The following SLC5A4 variants were observed in gnomAD, a reference collection of about 807,000 sequenced individuals.
The protein encoded by SLC5A4 is probable glucose sensor protein SLC5A4.
A neutral mutation model predicts 70.3 loss-of-function variants in SLC5A4; 55 were observed. The observed-to-expected ratio is 0.78, with a 90% CI of 0.63 to 0.98. SLC5A4 has a LOEUF of 0.98. Ranked by LOEUF, SLC5A4 falls within the 50% of genes least tolerant of loss-of-function variation. The pLI is 0.00. For missense variants in SLC5A4, 735 were observed against 839.2 expected, an observed-to-expected ratio of 0.88 and a Z score of 1.53; for synonymous variants, 268 against 305.7, an observed-to-expected ratio of 0.88 and a Z score of 1.29.
At chr22:32,336,010 AGACCAGGGGT>A in the SLC5A4 span, among the ~76,000 whole-genome samples, 1 of 152,214 alleles carries the variant, frequency 6.6e-6, no homozygotes, top group Non-Finnish European at 1.5e-5. Flanking sequence ...TTAGCAGTTA[AGACCAGGGGT>A]GAAATAGTGG....
chr22:32,270,373 G>C, the SLC5A4 span: 2 of 1,434,828 alleles, frequency 1.4e-6, no homozygotes, highest in Non-Finnish European at 2.0e-6. Context: ...CCAGCCCCAG[G>C]TGGTGACAAC....
intron 9 of SLC5A4, 70 bp downstream of exon 9, chr22:32,232,829 A>G: frequency 6.6e-7 from 1 of 1,516,932 alleles, no homozygotes; most frequent in South Asian, 1.3e-5. Flanking sequence ...TCAAGGTTTT[A>G]TGACATTTTA....
chr22:32,275,827 C>A, the SLC5A4 span, among the ~76,000 whole-genome samples: 1 of 152,126 alleles, frequency 6.6e-6, no homozygotes, highest in African/African-American at 2.4e-5. Flanking sequence ...GTTTATAATC[C>A]CACCAACAGT....
chr22:32,324,001 C>G, the SLC5A4 span, among the ~76,000 whole-genome samples: 1 of 152,212 alleles, frequency 6.6e-6, no homozygotes, highest in African/African-American at 2.4e-5. Context: ...TTGCATTCCC[C>G]AGAGCGGTGT....
the SLC5A4 span, chr22:32,284,948 A>G: frequency 6.6e-6 from 1 of 152,142 alleles, no homozygotes; most frequent in African/African-American, 2.4e-5. Flanking sequence ...ATTTTGTTAT[A>G]TTTGTGTATT....
At chr22:32,353,338 A>G in the SLC5A4 span, among the ~76,000 whole-genome samples, 1 of 152,026 alleles carries the variant, frequency 6.6e-6, no homozygotes, top group Non-Finnish European at 1.5e-5. Context: ...ACGGGGCCCT[A>G]TCACCCCGTA....
chr22:32,272,163 G>A, the SLC5A4 span: 115 of 715,162 alleles, frequency 1.6e-4, no homozygotes, highest in Non-Finnish European at 2.1e-4. Context: ...ACGCGTGGCC[G>A]CCGGGACCTG....
the SLC5A4 span, among the ~76,000 whole-genome samples, chr22:32,306,349 C>G: frequency 2.6e-5 from 4 of 151,762 alleles, no homozygotes; most frequent in Admixed American, 2.6e-4. Flanking sequence ...CCTGCTAGTC[C>G]CAGCTACTTG....
chr22:32,252,884 G>A (rs1927253121), intron 2 of SLC5A4, among the ~76,000 whole-genome samples: 2 of 152,136 alleles, frequency 1.3e-5, no homozygotes. Flanking sequence ...ACGTAGATGA[G>A]CACCAGTCCT....
chr22:32,315,794 TAAAAA>T, the SLC5A4 span, among the ~76,000 whole-genome samples: 3 of 95,914 alleles, frequency 3.1e-5, no homozygotes, highest in Non-Finnish European at 4.1e-5. Flanking sequence ...CACACTTGCT[TAAAAA>T]AAAAAAAAAA....
intron 6 of SLC5A4, among the ~76,000 whole-genome samples, chr22:32,238,783 T>TC (rs1382875320): frequency 1.3e-5 from 2 of 152,176 alleles, no homozygotes; most frequent in African/African-American, 2.4e-5. Context: ...TTCCCTTCCA[T>TC]CAAGATGTTC....
the SLC5A4 span, among the ~76,000 whole-genome samples, chr22:32,326,886 C>G: frequency 1.3e-5 from 2 of 152,144 alleles, no homozygotes; most frequent in African/African-American, 2.4e-5. Flanking sequence ...GTCCTTGCAT[C>G]TGGAAGGGGC....
At chr22:32,324,596 T>C in the SLC5A4 span, among the ~76,000 whole-genome samples, 1 of 152,206 alleles carries the variant, frequency 6.6e-6, no homozygotes, top group Non-Finnish European at 1.5e-5. Flanking sequence ...GCGCAGCTTG[T>C]CTGACTCCCA....
the SLC5A4 span, among the ~76,000 whole-genome samples, chr22:32,325,077 T>C: frequency 9.9e-5 from 15 of 152,200 alleles, no homozygotes; most frequent in Non-Finnish European, 1.9e-4. Context: ...GCAGGTCGCC[T>C]TGCCCCTCAT....
At chr22:32,254,758 A>G (rs2145709121) in intron 1 of SLC5A4, among the ~76,000 whole-genome samples, 1 of 152,054 alleles carries the variant, frequency 6.6e-6, no homozygotes, top group African/African-American at 2.4e-5. Flanking sequence ...GAGCCAAGCA[A>G]GCGCCACTGC....
At chr22:32,329,248 C>T in the SLC5A4 span, among the ~76,000 whole-genome samples, 1 of 152,202 alleles carries the variant, frequency 6.6e-6, no homozygotes, top group South Asian at 2.1e-4. Flanking sequence ...AATCTTCACT[C>T]AGCCTTAGCT....
At chr22:32,229,022 C>T (rs1463787560) in intron 11 of SLC5A4, among the ~76,000 whole-genome samples, 172 bp downstream of exon 11, 1 of 152,142 alleles carries the variant, frequency 6.6e-6, no homozygotes, top group Non-Finnish European at 1.5e-5. Context: ...AGGTATGGTT[C>T]AAATTTTTGT....
At chr22:32,337,465 T>C in the SLC5A4 span, among the ~76,000 whole-genome samples, 1 of 151,444 alleles carries the variant, frequency 6.6e-6, no homozygotes, top group African/African-American at 2.4e-5. Flanking sequence ...ACCCCGGAGG[T>C]GGAGGTTGCA....
the SLC5A4 span, among the ~76,000 whole-genome samples, chr22:32,281,122 G>A: frequency 6.6e-6 from 1 of 152,164 alleles, no homozygotes; most frequent in Non-Finnish European, 1.5e-5. Context: ...TCTAACAAGA[G>A]CCCGTCTGTC....
Sources: allele counts gnomAD v4.1 joint callset (sites outside exome capture counted in the v4.1 genomes callset), GRCh38; gene constraint gnomAD v4.1.1; transcripts MANE v1.5; gene names NCBI Gene and HGNC (gene_info 2026-07-23, HGNC 2026-07-21).